The following FOXN3 variants were observed in gnomAD, a reference collection of about 807,000 sequenced individuals.
FOXN3 encodes the protein forkhead box N3.
FOXN3 carries 7 observed loss-of-function variants against 38.4 expected under a neutral mutation model. The ratio of observed to expected loss-of-function variants is 0.18; its 90% CI spans 0.10 to 0.34. The LOEUF is 0.34. Among genes scored for constraint, FOXN3 ranks in the 10% least tolerant of loss-of-function variants. FOXN3 has a pLI of 1.00. For synonymous variants in FOXN3, 230 were observed against 242.2 expected (o/e 0.95, Z 0.47); for missense variants, 456 against 613.4 (o/e 0.74, Z 2.71).
At chr14:89,436,737 C>T (rs1282500496) in intron 1 of FOXN3, among the ~76,000 whole-genome samples, 1 of 152,154 alleles carries the variant, frequency 6.6e-6, no homozygotes, top group Non-Finnish European at 1.5e-5. Flanking sequence ...CAAAGTAAAG[C>T]CTTTAACATT....
chr14:89,426,278 G>A (rs1403968498), intron 1 of FOXN3, among the ~76,000 whole-genome samples: 3 of 142,818 alleles, frequency 2.1e-5, no homozygotes, highest in Admixed American at 7.3e-5. Flanking sequence ...AGGGTGGAGC[G>A]CAGTGGCATG....
intron 1 of FOXN3, among the ~76,000 whole-genome samples, chr14:89,446,205 T>G (rs1892494447): frequency 9.1e-6 from 1 of 110,460 alleles, no homozygotes; most frequent in Non-Finnish European, 1.8e-5. Flanking sequence ...TCTTTTTTTT[T>G]TGAGACAGAG....
intron 4 of FOXN3, among the ~76,000 whole-genome samples, chr14:89,274,763 CT>C (rs1886252418): frequency 6.6e-6 from 1 of 152,126 alleles, no homozygotes. Context: ...GGAGGCAGTC[CT>C]ATTTATGAGG....
At chr14:89,240,666 T>TA (rs1885114128) in intron 4 of FOXN3, among the ~76,000 whole-genome samples, 1 of 152,250 alleles carries the variant, frequency 6.6e-6, no homozygotes, top group Non-Finnish European at 1.5e-5. Flanking sequence ...TGTCAAATGA[T>TA]ACAGAGGAAA....
At chr14:89,448,375 G>A (rs567504521) in intron 1 of FOXN3, among the ~76,000 whole-genome samples, 11 of 152,196 alleles carry the variant, frequency 7.2e-5, no homozygotes, top group African/African-American at 2.4e-4. Context: ...ATCTGCATAA[G>A]GTGGGTGCTC....
intron 1 of FOXN3, among the ~76,000 whole-genome samples, chr14:89,566,918 T>C (rs1895366435): frequency 6.7e-6 from 1 of 149,214 alleles, no homozygotes. Flanking sequence ...CCCCTCTTCC[T>C]CCTCCTCCCT....
intron 1 of FOXN3, among the ~76,000 whole-genome samples, chr14:89,476,900 G>T (rs59385441): frequency 6.6e-6 from 1 of 152,006 alleles, no homozygotes; most frequent in African/African-American, 2.4e-5. Flanking sequence ...GTAGTAAGGC[G>T]CCAGGAGGGA....
rs1555358082 is a variant in FOXN3 at position 89,511,237 on chromosome 14, CTTTTCTTTCTTTTCTTTCT to C, written c.-14-98766_-14-98748del. On this transcript the variant is annotated intron_variant, in intron 1 of 6. Coordinates refer to the FOXN3 transcript ENST00000345097. ...TTTCTTTCTTTCTTTCTTTTCTTTCCTTTTCTTTCTTTTCTTTCTTTCTTTCTTTCTTTCTTTCTTTCTT... is the reference window on the plus strand; with the variant it reads ...TTTCTTTCTTTCTTTCTTTTCTTTCCTTCTTTCTTTCTTTCTTTCTTTCTT... Among the ~76,000 whole-genome samples, 39 of 25,756 alleles carry C rather than the reference CTTTTCTTTCTTTTCTTTCT, an allele frequency of 1.5e-3. 13 individuals are homozygous for C. Among genetic ancestry groups the C allele is most frequent in the Admixed American group, 6.0e-3 (10 of 1,666 alleles). The allele number at this position is 25,756 out of a possible 152,430, so 16.9% of individuals were successfully genotyped here.
At chr14:89,476,130 C>G (rs150016091) in intron 1 of FOXN3, among the ~76,000 whole-genome samples, 1 of 152,312 alleles carries the variant, frequency 6.6e-6, no homozygotes, top group African/African-American at 2.4e-5. Context: ...ACTTCTTGCT[C>G]TCGGATGTTT....
In FOXN3 at chr14:89,533,474, T is replaced by C. The variant is rs185416958; in HGVS notation, c.-15+85554A>G. Among the ~76,000 whole-genome samples, 136 of 152,146 alleles carry C rather than the reference T, an allele frequency of 8.9e-4. 3 individuals carry two copies. The East Asian group carries it at 0.02, about 22-fold the overall frequency. Reference sequence around the variant, plus strand: ...GTCAGGAGATCCAGACCATCCTGGCTAACAGGGTGAAACCTCGTCTCTACT... The same window carrying C: ...GTCAGGAGATCCAGACCATCCTGGCCAACAGGGTGAAACCTCGTCTCTACT... On this transcript the variant is annotated intron_variant, in intron 1 of 6. Coordinates refer to the FOXN3 transcript ENST00000345097.
chr14:89,492,597 G>A (rs118042541), intron 1 of FOXN3, among the ~76,000 whole-genome samples: 1,974 of 152,186 alleles, frequency 0.013, 30 homozygotes, highest in Non-Finnish European at 0.022. Flanking sequence ...CTGTTGTCCC[G>A]GCTACTTGGG....
chr14:89,315,664 A>G (rs1195082412), intron 3 of FOXN3, among the ~76,000 whole-genome samples: 2 of 152,244 alleles, frequency 1.3e-5, no homozygotes, highest in African/African-American at 2.4e-5. Context: ...AGAAAACTGC[A>G]GGGAATTTTA....
intron 4 of FOXN3, among the ~76,000 whole-genome samples, chr14:89,240,669 A>G (rs1466242181): frequency 6.6e-6 from 1 of 152,278 alleles, no homozygotes; most frequent in African/African-American, 2.4e-5. Context: ...CAAATGATAC[A>G]GAGGAAACTG....
intron 1 of FOXN3, among the ~76,000 whole-genome samples, chr14:89,459,237 T>G (rs937454493): frequency 6.6e-6 from 1 of 152,200 alleles, no homozygotes; most frequent in African/African-American, 2.4e-5. Flanking sequence ...ATGACAAGAT[T>G]ATGACACTGA....
intron 1 of FOXN3, among the ~76,000 whole-genome samples, chr14:89,506,501 T>TG (rs201333681): frequency 3.5e-5 from 5 of 141,050 alleles, no homozygotes; most frequent in Admixed American, 7.0e-5. Flanking sequence ...GGGAGGGAGG[T>TG]GGGGGGGTCA....
At chr14:89,562,693 CA>C (rs1895274099) in intron 1 of FOXN3, among the ~76,000 whole-genome samples, 1 of 152,244 alleles carries the variant, frequency 6.6e-6, no homozygotes, top group Non-Finnish European at 1.5e-5. Flanking sequence ...GGACATCACA[CA>C]AACCTTGATG....
intron 4 of FOXN3, among the ~76,000 whole-genome samples, chr14:89,208,049 G>A (rs751863015): frequency 2.6e-5 from 4 of 152,210 alleles, no homozygotes; most frequent in African/African-American, 4.8e-5. Flanking sequence ...TCTGACCCCT[G>A]CAGGCAATTA....
At chr14:89,413,876 A>AAGGGCAGGGAAGGGCAGGGC (rs1891615697) in intron 1 of FOXN3, among the ~76,000 whole-genome samples, 1 of 131,212 alleles carries the variant, frequency 7.6e-6, no homozygotes, top group African/African-American at 2.8e-5. Flanking sequence ...AAGAGAAGGG[A>AAGGGCAGGGAAGGGCAGGGC]AGGGCAGGGA....
intron 3 of FOXN3, among the ~76,000 whole-genome samples, chr14:89,331,708 G>C (rs959827017): frequency 2.0e-5 from 3 of 152,182 alleles, no homozygotes; most frequent in African/African-American, 7.2e-5. Context: ...GCTTCATTCT[G>C]ACTGAGTTCA....
Sources: allele counts gnomAD v4.1 joint callset (sites outside exome capture counted in the v4.1 genomes callset), GRCh38; gene constraint gnomAD v4.1.1; transcripts MANE v1.5; gene names NCBI Gene and HGNC (gene_info 2026-07-23, HGNC 2026-07-21).